The following MCEE variants were observed in gnomAD, a reference collection of about 807,000 sequenced individuals.
The protein encoded by MCEE is methylmalonyl-CoA epimerase, mitochondrial.
In MCEE, 6 loss-of-function variants were observed where a neutral mutation model predicts 12.9. That is an observed-to-expected ratio of 0.47 (90% CI 0.26 to 0.92). The LOEUF is 0.92. Ranked by LOEUF, MCEE falls within the 40% of genes least tolerant of loss-of-function variation. The pLI, the probability that MCEE is intolerant of heterozygous loss-of-function variation, is 0.16. For missense variants in MCEE, 214 were observed against 212.1 expected (o/e 1.01, Z -0.05); for synonymous variants, 78 against 77.9 (o/e 1.00, Z -0.01).
chr2:71,119,219 T>C (rs1673053020), intron 2 of MCEE, among the ~76,000 whole-genome samples: 1 of 150,456 alleles, frequency 6.6e-6, no homozygotes, highest in South Asian at 2.1e-4. Context: ...AATTTCATTG[T>C]TGTGCGAACA....
intron 2 of MCEE, among the ~76,000 whole-genome samples, chr2:71,114,696 G>A (rs1354309817): frequency 6.6e-6 from 1 of 152,160 alleles, no homozygotes; most frequent in Non-Finnish European, 1.5e-5. Context: ...TGACTGAAGT[G>A]CCAGAAAATA....
At chr2:71,114,373 A>C (rs1317634405) in intron 2 of MCEE, among the ~76,000 whole-genome samples, 1 of 152,218 alleles carries the variant, frequency 6.6e-6, no homozygotes, top group Non-Finnish European at 1.5e-5. Context: ...TGTGATGTGA[A>C]ATCCTAGATG....
chr2:71,115,965 T>A (rs1672983413), intron 2 of MCEE, among the ~76,000 whole-genome samples: 1 of 148,688 alleles, frequency 6.7e-6, no homozygotes, highest in South Asian at 2.2e-4. Flanking sequence ...AGTATTAATT[T>A]AAAAAAGGGG....
intron 2 of MCEE, among the ~76,000 whole-genome samples, chr2:71,121,070 C>T (rs1021319842): frequency 6.6e-6 from 1 of 152,144 alleles, no homozygotes; most frequent in Admixed American, 6.5e-5. Context: ...AGCGTGGCAT[C>T]CATTGATGGC....
chr2:71,125,403 C>T (rs754179765), intron 1 of MCEE, among the ~76,000 whole-genome samples: 14 of 151,238 alleles, frequency 9.3e-5, no homozygotes, highest in African/African-American at 1.5e-4. Flanking sequence ...GATGGGGTTT[C>T]GCCTCATTGG....
At chr2:71,111,475 A>C (rs1672883663) in intron 2 of MCEE, among the ~76,000 whole-genome samples, 1 of 152,154 alleles carries the variant, frequency 6.6e-6, no homozygotes, top group Admixed American at 6.5e-5. Flanking sequence ...ACCAAGCCAA[A>C]GCCCTTCTGA....
rs538182378 is a variant in MCEE, at chr2:71,115,471, C to T, written c.379-5349G>A. Reference sequence around the variant, plus strand: ...TCTATCACTAACTTCAATTTTAAAGCTCTTTTACCATATTTATCCTTCTGT... The same window carrying T: ...TCTATCACTAACTTCAATTTTAAAGTTCTTTTACCATATTTATCCTTCTGT... On this transcript the variant is annotated intron_variant, in intron 2 of 2. Transcript: ENST00000244217. Among the ~76,000 whole-genome samples the T allele has an allele frequency of 9.2e-5, 13 of 141,268 alleles. 1 individual carries two copies. The South Asian group carries it at 2.3e-3, about 25-fold the overall frequency. The allele number at this position is 141,268 out of a possible 152,430, so 92.7% of individuals were successfully genotyped here. A position where few individuals can be genotyped will look rare whatever the true frequency, so the allele number is the denominator to read the frequency against.
intron 2 of MCEE, chr2:71,117,454 A>G (rs893942082): frequency 6.0e-5 from 9 of 150,508 alleles, no homozygotes; most frequent in Admixed American, 3.3e-4. Flanking sequence ...ATTTTTTAAA[A>G]AGGAGAATAT....
At chr2:71,127,443 A>G (rs1673259511) in intron 1 of MCEE, among the ~76,000 whole-genome samples, 1 of 152,232 alleles carries the variant, frequency 6.6e-6, no homozygotes. Flanking sequence ...ATTTGTATAA[A>G]AAGTACTATA....
chr2:71,110,605 T>C (rs1182239947), intron 2 of MCEE, among the ~76,000 whole-genome samples: 2 of 152,286 alleles, frequency 1.3e-5, no homozygotes, highest in African/African-American at 4.8e-5. Context: ...TCCCCAAAAC[T>C]TGCCCTGCCA....
At chr2:71,113,910 A>G (rs961004990) in intron 2 of MCEE, among the ~76,000 whole-genome samples, 14 of 152,218 alleles carry the variant, frequency 9.2e-5, no homozygotes, top group African/African-American at 3.1e-4. Context: ...CCTTGATATG[A>G]TGTGATGAAA....
In MCEE at chr2:71,116,355, G is replaced by A. The variant is rs1217230773; in HGVS notation, c.379-6233C>T. 6.7e-5 allele frequency among the ~76,000 whole-genome samples: 10 copies of A among 150,084 alleles called. 1 individual carries two copies. Among genetic ancestry groups the A allele is most frequent in the East Asian group, 3.9e-4 (2 of 5,178 alleles). On this transcript the variant is annotated intron_variant, in intron 2 of 2. Transcript: ENST00000244217. ...CCAAAAGTGCTGGGATTACAGGCGT[G>A]AGCCACCATGCCCGGCCCTTTACTT... is the stretch of plus-strand genomic sequence containing the variant.
intron 2 of MCEE, among the ~76,000 whole-genome samples, chr2:71,123,114 G>A (rs975615240): frequency 6.6e-6 from 1 of 152,088 alleles, no homozygotes; most frequent in Non-Finnish European, 1.5e-5. Context: ...CACATTATAG[G>A]GTCTCATACA....
At chr2:71,127,061 A>G (rs1420595247) in intron 1 of MCEE, among the ~76,000 whole-genome samples, 1 of 152,242 alleles carries the variant, frequency 6.6e-6, no homozygotes, top group Non-Finnish European at 1.5e-5. Flanking sequence ...TGAATATACT[A>G]CAGTGTAAAA....
At chr2:71,121,953 G>C (rs1300733480) in intron 2 of MCEE, among the ~76,000 whole-genome samples, 1 of 152,056 alleles carries the variant, frequency 6.6e-6, no homozygotes, top group African/African-American at 2.4e-5. Context: ...AACCAATCTG[G>C]GATTCAGCCC....
At chr2:71,120,909 TG>T (rs1259316764) in intron 2 of MCEE, among the ~76,000 whole-genome samples, 1 of 152,156 alleles carries the variant, frequency 6.6e-6, no homozygotes. Context: ...AGCTAATTTT[TG>T]TATTTTAGTA....
intron 2 of MCEE, among the ~76,000 whole-genome samples, chr2:71,111,266 T>A (rs1280277659): frequency 6.6e-6 from 1 of 152,204 alleles, no homozygotes; most frequent in Non-Finnish European, 1.5e-5. Flanking sequence ...AATTCTCATC[T>A]TTTTCAGAAT....
intron 2 of MCEE, 39 bp downstream of exon 2, chr2:71,124,167 A>T (rs756829552): frequency 3.4e-6 from 5 of 1,453,404 alleles, no homozygotes; most frequent in Non-Finnish European, 3.8e-6. Flanking sequence ...TTTTTAAAAG[A>T]GAGATTTAAA....
intron 2 of MCEE, among the ~76,000 whole-genome samples, chr2:71,122,254 C>T (rs1379021374): frequency 6.6e-6 from 1 of 152,160 alleles, no homozygotes; most frequent in Non-Finnish European, 1.5e-5. Flanking sequence ...CCACATCAGC[C>T]TCCCAAGTAG....
Sources: gnomAD v4.1 joint callset for allele counts (sites outside exome capture counted in the v4.1 genomes callset) on GRCh38, gnomAD v4.1.1 for gene constraint, MANE v1.5 for transcripts, NCBI Gene and HGNC (gene_info 2026-07-23, HGNC 2026-07-21) for gene names.